Variants in MAGI2 observed in about 807,000 individuals in gnomAD.
The protein encoded by MAGI2 is membrane associated guanylate kinase, WW and PDZ domain containing 2.
MAGI2 carries 35 observed loss-of-function variants against 133.3 expected under a neutral mutation model. The ratio of observed to expected loss-of-function variants is 0.26; its 90% CI spans 0.20 to 0.35. MAGI2 has a LOEUF of 0.35. Among genes scored for constraint, MAGI2 ranks in the 10% least tolerant of loss-of-function variants. MAGI2 has a pLI of 1.00. For synonymous variants in MAGI2, 729 were observed against 710.6 expected, an observed-to-expected ratio of 1.03 and a Z score of -0.41; for missense variants, 1,636 against 1,863.4, an observed-to-expected ratio of 0.88 and a Z score of 2.25.
chr7:78,881,166 G>A (rs1242227736), intron 2 of MAGI2, among the ~76,000 whole-genome samples: 1 of 152,062 alleles, frequency 6.6e-6, no homozygotes, highest in East Asian at 1.9e-4. Flanking sequence ...AGATCATCAA[G>A]GCAGAAAACT....
intron 2 of MAGI2, among the ~76,000 whole-genome samples, chr7:78,647,794 C>A (rs1286792054): frequency 1.3e-5 from 2 of 152,140 alleles, no homozygotes; most frequent in Non-Finnish European, 2.9e-5. Context: ...GGCCCATATA[C>A]ACCATGGAAT....
chr7:79,151,723 G>A (rs1199768058), intron 1 of MAGI2, among the ~76,000 whole-genome samples: 1 of 152,152 alleles, frequency 6.6e-6, no homozygotes, highest in Admixed American at 6.6e-5. Flanking sequence ...AAATTTGATA[G>A]AAAAGTAATA....
chr7:78,641,866 A>G (rs1476600843), intron 2 of MAGI2, among the ~76,000 whole-genome samples: 1 of 152,192 alleles, frequency 6.6e-6, no homozygotes, highest in Non-Finnish European at 1.5e-5. Context: ...GCCAGGGGAA[A>G]TACGTGTTTT....
intron 2 of MAGI2, among the ~76,000 whole-genome samples, chr7:78,742,423 T>C (rs1822523139): frequency 6.6e-6 from 1 of 152,178 alleles, no homozygotes; most frequent in South Asian, 2.1e-4. Flanking sequence ...TCCTTCCTCC[T>C]TGCCAAATTA....
intron 21 of MAGI2, among the ~76,000 whole-genome samples, chr7:78,049,145 T>A (rs115844528): frequency 0.016 from 2,373 of 152,058 alleles, 67 homozygotes; most frequent in African/African-American, 0.054. Context: ...TAATGTTAAT[T>A]TATTCTTTCT....
intron 1 of MAGI2, among the ~76,000 whole-genome samples, chr7:79,180,452 C>T (rs556438082): frequency 4.5e-4 from 68 of 152,030 alleles, no homozygotes; most frequent in Admixed American, 1.4e-3. Flanking sequence ...AGAGAGCCTG[C>T]GCAAAGAAAC....
intron 9 of MAGI2, among the ~76,000 whole-genome samples, chr7:78,272,789 C>T (rs1194376764): frequency 6.6e-6 from 1 of 152,064 alleles, no homozygotes; most frequent in African/African-American, 2.4e-5. Flanking sequence ...TTTCCATTTG[C>T]TTGGTAAATA....
intron 8 of MAGI2, among the ~76,000 whole-genome samples, chr7:78,345,147 C>G (rs1790766259): frequency 6.6e-6 from 1 of 152,134 alleles, no homozygotes; most frequent in Admixed American, 6.5e-5. Flanking sequence ...TTATTAAAAA[C>G]AGAGGTTCTT....
intron 2 of MAGI2, among the ~76,000 whole-genome samples, chr7:78,924,847 T>C (rs1026322025): frequency 3.4e-5 from 5 of 148,574 alleles, no homozygotes; most frequent in Middle Eastern, 3.6e-3. Flanking sequence ...ATTATTATTA[T>C]TACTACTATT....
At chr7:78,675,693 C>A (rs577700974) in intron 2 of MAGI2, among the ~76,000 whole-genome samples, 29 of 152,206 alleles carry the variant, frequency 1.9e-4, no homozygotes, top group African/African-American at 6.3e-4. Context: ...TAAATGAAAT[C>A]TGTTTAGAAA....
chr7:78,748,708 G>A (rs183484328), intron 2 of MAGI2, among the ~76,000 whole-genome samples: 4 of 152,190 alleles, frequency 2.6e-5, no homozygotes, highest in East Asian at 1.9e-4. Context: ...AAAAGATATC[G>A]ATAGGACATA....
chr7:79,187,336 G>A (rs1368227420), intron 1 of MAGI2, among the ~76,000 whole-genome samples: 1 of 151,674 alleles, frequency 6.6e-6, no homozygotes, highest in Non-Finnish European at 1.5e-5. Context: ...AGTTGATGGT[G>A]ATTTCTACTT....
At chr7:78,251,628 C>T (rs143218967) in intron 10 of MAGI2, 2 of 152,126 alleles carry the variant, frequency 1.3e-5, no homozygotes, top group East Asian at 1.9e-4. Flanking sequence ...ATAACATCAA[C>T]AAGAATAAAA....
chr7:78,051,742 G>A (rs1172045198), intron 21 of MAGI2, among the ~76,000 whole-genome samples: 3 of 151,688 alleles, frequency 2.0e-5, no homozygotes, highest in East Asian at 1.9e-4. Context: ...GCACCACCAT[G>A]CCCGGCTAAT....
Position 78,972,563 on chromosome 7 carries a change from T to C in MAGI2, c.418+34527A>G, listed in dbSNP as rs1244157069. Reference sequence around the variant, plus strand: ...AAGAATGCTCTGATTTTCTGAGGTTTTAAAATAGTGCAGAATTGAGGTAGA... The same window carrying C: ...AAGAATGCTCTGATTTTCTGAGGTTCTAAAATAGTGCAGAATTGAGGTAGA... On this transcript the variant is annotated intron_variant, in intron 2 of 21. Transcript: ENST00000354212. 2.6e-5 allele frequency among the ~76,000 whole-genome samples: 4 copies of C among 152,016 alleles called. No homozygotes were observed. The East Asian group carries it at 5.8e-4, about 22-fold the overall frequency.
At chr7:78,693,609 T>C (rs1019952220) in intron 2 of MAGI2, among the ~76,000 whole-genome samples, 1 of 152,178 alleles carries the variant, frequency 6.6e-6, no homozygotes, top group East Asian at 1.9e-4. Context: ...TGGGAAGGAA[T>C]CATGGCAAGG....
intron 2 of MAGI2, among the ~76,000 whole-genome samples, chr7:78,682,217 G>T (rs912340705): frequency 1.3e-5 from 2 of 152,092 alleles, no homozygotes; most frequent in Admixed American, 6.6e-5. Context: ...ACATAAACAT[G>T]AAATGCTTAA....
chr7:78,126,201 T>C (rs975205747), intron 19 of MAGI2, among the ~76,000 whole-genome samples: 1 of 151,656 alleles, frequency 6.6e-6, no homozygotes, highest in Non-Finnish European at 1.5e-5. Flanking sequence ...CAGGTGTGTG[T>C]GTGTGTGTGT....
At chr7:79,399,095 CTT>C (rs767332496) in intron 1 of MAGI2, among the ~76,000 whole-genome samples, 63 of 106,256 alleles carry the variant, frequency 5.9e-4, no homozygotes, top group East Asian at 2.8e-3. Flanking sequence ...TTTTTCTTTT[CTT>C]TTTTTTTTTT....
Sources: allele counts gnomAD v4.1 joint callset (sites outside exome capture counted in the v4.1 genomes callset), GRCh38; gene constraint gnomAD v4.1.1; transcripts MANE v1.5; gene names NCBI Gene and HGNC (gene_info 2026-07-23, HGNC 2026-07-21).